The following WWC1 variants were observed in gnomAD, a reference collection of about 807,000 sequenced individuals.
WWC1 encodes WW and C2 domain containing 1, also known as protein KIBRA.
In WWC1, 55 loss-of-function variants were observed where a neutral mutation model predicts 138.4. The observed-to-expected ratio is 0.40, with a 90% CI of 0.32 to 0.50. WWC1 has a LOEUF of 0.50. Ranked by LOEUF, WWC1 falls within the 20% of genes least tolerant of loss-of-function variation. The probability of loss-of-function intolerance (pLI) is 0.72; values close to 1 mark genes in which losing one functional copy is unlikely to be tolerated. For missense variants in WWC1, 1,226 were observed against 1,420.4 expected (o/e 0.86, Z 2.20); for synonymous variants, 524 against 564.9 (o/e 0.93, Z 1.03).
intron 1 of WWC1, among the ~76,000 whole-genome samples, chr5:168,313,937 G>A (rs996612908): frequency 6.6e-6 from 1 of 152,210 alleles, no homozygotes; most frequent in African/African-American, 2.4e-5. Flanking sequence ...ATTGATAGGG[G>A]TTCACACCTG....
intron 5 of WWC1, among the ~76,000 whole-genome samples, chr5:168,405,029 C>T (rs1162288341): frequency 6.6e-6 from 1 of 152,010 alleles, no homozygotes; most frequent in African/African-American, 2.4e-5. Context: ...CAAGATTGCC[C>T]ATCCCATATT....
chr5:168,293,021 C>G (rs553248654), intron 1 of WWC1, among the ~76,000 whole-genome samples: 1 of 152,126 alleles, frequency 6.6e-6, no homozygotes, highest in Non-Finnish European at 1.5e-5. Context: ...CTTCCCTGAT[C>G]GGGGAAGGGG....
intron 5 of WWC1, among the ~76,000 whole-genome samples, chr5:168,401,000 AAAG>A (rs1365163428): frequency 2.0e-5 from 3 of 150,184 alleles, no homozygotes; most frequent in Non-Finnish European, 4.4e-5. Flanking sequence ...AGAAAGAAAA[AAAG>A]AAAGGAAGGA....
chr5:168,365,334 G>T (rs1263450113), intron 1 of WWC1, among the ~76,000 whole-genome samples: 1 of 152,110 alleles, frequency 6.6e-6, no homozygotes, highest in African/African-American at 2.4e-5. Flanking sequence ...AAGTGATCCC[G>T]CCCAGCCAGC....
chr5:168,408,392 G>T, intron 6 of WWC1, 115 bp from the exon 7 acceptor site: 1 of 1,232,698 alleles, frequency 8.1e-7, no homozygotes, highest in Admixed American at 2.1e-5. Flanking sequence ...GATATCTGGG[G>T]AGGGCACAGG....
chr5:168,438,294 A>G (rs1021102477), intron 15 of WWC1, among the ~76,000 whole-genome samples: 2 of 152,078 alleles, frequency 1.3e-5, no homozygotes, highest in African/African-American at 2.4e-5. Flanking sequence ...GTGGGAGGTA[A>G]TTGAATCATG....
chr5:168,452,764 TTCCTCCTCC>T (rs34833216), intron 17 of WWC1, among the ~76,000 whole-genome samples: 17 of 150,994 alleles, frequency 1.1e-4, no homozygotes, highest in African/African-American at 3.7e-4. Flanking sequence ...TCTCTCCCTC[TTCCTCCTCC>T]TCCTCCTCCT....
chr5:168,296,958 C>T (rs73801869), intron 1 of WWC1, among the ~76,000 whole-genome samples: 3,067 of 152,278 alleles, frequency 0.02, 96 homozygotes, highest in African/African-American at 0.068. Flanking sequence ...CTGGTGTGGT[C>T]AGGTCATGGG....
chr5:168,442,916 A>G lies in WWC1; in HGVS notation c.2433+1082A>G, dbSNP rs561489230. 3.3e-5 allele frequency among the ~76,000 whole-genome samples: 5 copies of G among 152,226 alleles called. No homozygotes were observed. In the South Asian group the frequency reaches 1.0e-3, roughly 32 times the overall value. The stretch of plus-strand genomic sequence containing the variant: ...AAAAAATATGTTCTGTTTTCATTTT[A>G]GCGCAGTACGCTTTAATGTATTAAA... On this transcript the variant is annotated intron_variant, in intron 16 of 22. Coordinates refer to ENST00000265293, the MANE Select transcript of WWC1 (RefSeq NM_015238.3).
rs1317526037 is a variant in WWC1, at chr5:168,414,566, C to T, written c.1160C>T (p.Thr387Ile). Residue 387 changes from threonine to isoleucine, a missense_variant, in exon 9 of 23, where the codon ACC (threonine) becomes ATC (isoleucine). Thr to Ile is a moderately conservative substitution (Grantham distance 89). Around this residue, in one of 3 missense-constraint regions of WWC1, gnomAD observed 1,016 missense variants for 1,153.9 expected, o/e 0.88. Transcript: ENST00000265293. ...AAGGACCTGCAGGCAGCCCGGGACA[C>T]CCAGAGCAAGGCGCTGACGGAGAGG... Reference protein sequence around the residue: ...LEKDLQAARDTQSKALTERLK... With the variant: ...LEKDLQAARDIQSKALTERLK... 2.6e-6 allele frequency: 4 copies of T among 1,553,116 alleles called. No individual in the cohort carries two copies. In the Admixed American group the frequency reaches 5.8e-5, roughly 23 times the overall value.
chr5:168,423,472 G>C (rs1781276984), intron 10 of WWC1, 61 bp from the exon 11 acceptor site: 2 of 1,529,338 alleles, frequency 1.3e-6, no homozygotes, highest in African/African-American at 2.7e-5. Flanking sequence ...CTCAGCAGAA[G>C]GTCTCAGGGG....
intron 12 of WWC1, 26 bp downstream of exon 12, chr5:168,428,167 C>G (rs759046206): frequency 2.2e-5 from 35 of 1,600,114 alleles, no homozygotes; most frequent in Non-Finnish European, 2.9e-5. Context: ...CTGGCTCTCT[C>G]TGTGGCCCTG....
At chr5:168,463,405 C>G (rs954270977) in intron 20 of WWC1, among the ~76,000 whole-genome samples, 3 of 152,174 alleles carry the variant, frequency 2.0e-5, no homozygotes, top group Non-Finnish European at 4.4e-5. Flanking sequence ...AGAGGTCACT[C>G]TCAGGTTTTT....
chr5:168,391,052 C>T (rs573773625), intron 3 of WWC1, among the ~76,000 whole-genome samples: 1 of 152,294 alleles, frequency 6.6e-6, no homozygotes, highest in South Asian at 2.1e-4. Context: ...ATCTCAAAAT[C>T]AATTTTCTTA....
At chr5:168,302,679 C>G (rs1233218030) in intron 1 of WWC1, among the ~76,000 whole-genome samples, 1 of 152,132 alleles carries the variant, frequency 6.6e-6, no homozygotes, top group Non-Finnish European at 1.5e-5. Context: ...CACAGCTAGT[C>G]AAGGAGCTGT....
chr5:168,422,188 G>A (rs1781141208), intron 10 of WWC1, 91 bp downstream of exon 10: 1 of 1,286,538 alleles, frequency 7.8e-7, no homozygotes. Context: ...CCCTTCACTT[G>A]TCCTCCGTGG....
chr5:168,410,100 C>T (rs534863134), intron 8 of WWC1, 105 bp downstream of exon 8: 146 of 1,108,832 alleles, frequency 1.3e-4, no homozygotes, highest in Non-Finnish European at 1.9e-4. Context: ...CTTCTTTAAT[C>T]CTCACAAAGA....
chr5:168,367,581 A>C (rs952037711), intron 1 of WWC1, among the ~76,000 whole-genome samples: 9 of 151,602 alleles, frequency 5.9e-5, no homozygotes, highest in Admixed American at 3.3e-4. Context: ...GGCCTCCCAA[A>C]GTGCTGGGAT....
At chr5:168,331,538 T>C (rs1773031665) in intron 1 of WWC1, among the ~76,000 whole-genome samples, 1 of 152,228 alleles carries the variant, frequency 6.6e-6, no homozygotes, top group Non-Finnish European at 1.5e-5. Flanking sequence ...TCCTACAGTG[T>C]GATTGATCAG....
Sources: gnomAD v4.1 joint callset for allele counts (sites outside exome capture counted in the v4.1 genomes callset) on GRCh38, gnomAD v4.1.1 for gene constraint, gnomAD v4.1.1 regional missense constraint, MANE v1.5 for transcripts, NCBI Gene and HGNC (gene_info 2026-07-23, HGNC 2026-07-21) for gene names.